Variants in SIMC1 observed in about 807,000 individuals in gnomAD.
SIMC1 encodes the protein SUMO interacting motifs containing 1, also known as SUMO-interacting motif-containing protein 1.
SIMC1 carries 55 observed loss-of-function variants against 82.3 expected under a neutral mutation model. That is an observed-to-expected ratio of 0.67 (90% confidence interval 0.54 to 0.84). The LOEUF is 0.84. Among genes scored for constraint, SIMC1 ranks in the 40% least tolerant of loss-of-function variants. The pLI is 0.00. For missense variants in SIMC1, 915 were observed against 1,107.2 expected, an observed-to-expected ratio of 0.83 and a Z score of 2.46; for synonymous variants, 353 against 426.3, an observed-to-expected ratio of 0.83 and a Z score of 2.12.
intron 7 of SIMC1, among the ~76,000 whole-genome samples, chr5:176,335,594 A>C (rs1011680413): frequency 6.7e-5 from 10 of 148,944 alleles, no homozygotes; most frequent in African/African-American, 2.0e-4. Context: ...TTAAATTTTT[A>C]ATTTGAATTG....
chr5:176,295,496 T>G (rs1228990328), intron 3 of SIMC1, among the ~76,000 whole-genome samples: 16 of 152,238 alleles, frequency 1.1e-4, no homozygotes, highest in Admixed American at 2.0e-4. Context: ...GTGACTTGAT[T>G]CAGTATACAA....
chr5:176,294,983 A>G (rs764137765), intron 2 of SIMC1, 47 bp from the exon 3 acceptor site: 162 of 1,542,442 alleles, frequency 1.1e-4, no homozygotes, highest in Middle Eastern at 1.7e-4. Context: ...AAAAAAAAAA[A>G]AAAGAAAAGA....
chr5:176,313,249 C>T (rs1764743351), intron 4 of SIMC1: 2 of 1,371,520 alleles, frequency 1.5e-6, no homozygotes, highest in South Asian at 1.9e-5. Flanking sequence ...GAACCAGTTT[C>T]TCTTTCTCTG....
Position 176,322,410 on chromosome 5 carries a change from A to T in SIMC1, c.2027A>T (p.Lys676Met). ...SHPSSQPNLT[K>M]NTNQLIVCQL... Reference sequence around the variant, plus strand: ...CCTTCTTCCCAGCCCAACCTGACAAAGAACACCAATCAGCTGTAAGGGGCA... The same window carrying T: ...CCTTCTTCCCAGCCCAACCTGACAATGAACACCAATCAGCTGTAAGGGGCA... Residue 676 changes from lysine to methionine, a missense_variant, in exon 6 of 10, where the codon AAG (lysine) becomes ATG (methionine). Transcript: ENST00000429602. 1 of 1,609,660 alleles carries T rather than the reference A, an allele frequency of 6.2e-7. No homozygotes were observed. Among genetic ancestry groups the T allele is most frequent in the South Asian group, 1.1e-5 (1 of 89,802 alleles).
At chr5:176,291,761 A>G (rs1763585983) in intron 2 of SIMC1, among the ~76,000 whole-genome samples, 1 of 152,208 alleles carries the variant, frequency 6.6e-6, no homozygotes, top group African/African-American at 2.4e-5. Context: ...TACAGGCATG[A>G]GCCACCGCGC....
intron 4 of SIMC1, among the ~76,000 whole-genome samples, chr5:176,297,527 A>G (rs1763872435): frequency 1.3e-5 from 2 of 148,340 alleles, no homozygotes; most frequent in Admixed American, 1.4e-4. Flanking sequence ...AAAAAAAAAA[A>G]CGTTGAATGA....
intron 4 of SIMC1, among the ~76,000 whole-genome samples, chr5:176,301,850 G>A (rs555460255): frequency 5.6e-4 from 85 of 151,466 alleles, no homozygotes; most frequent in Non-Finnish European, 1.1e-3. Context: ...AAATGTTGAT[G>A]AAGAAATCCT....
chr5:176,280,460 G>C (rs1294186649), intron 1 of SIMC1, among the ~76,000 whole-genome samples: 2 of 151,892 alleles, frequency 1.3e-5, no homozygotes, highest in South Asian at 2.1e-4. Context: ...TGTTATGTGT[G>C]AATTTGAACC....
At chr5:176,320,389 G>A (rs1360535696) in intron 5 of SIMC1, among the ~76,000 whole-genome samples, 6 of 148,120 alleles carry the variant, frequency 4.1e-5, no homozygotes, top group East Asian at 2.0e-4. Context: ...ATTTTGAGGC[G>A]GAGTCTCACT....
At chr5:176,288,782 C>G (rs187610520) in intron 1 of SIMC1, among the ~76,000 whole-genome samples, 1 of 152,276 alleles carries the variant, frequency 6.6e-6, no homozygotes, top group Admixed American at 6.5e-5. Flanking sequence ...CCTCAGGGCC[C>G]TAAAGTACCA....
chr5:176,244,372 A>G (rs1333486619), intron 1 of SIMC1, among the ~76,000 whole-genome samples: 2 of 135,540 alleles, frequency 1.5e-5, no homozygotes, highest in African/African-American at 5.7e-5. Flanking sequence ...TGCCAAGTAT[A>G]ACATTTGTAC....
chr5:176,244,356 T>C, intron 1 of SIMC1, among the ~76,000 whole-genome samples: 1 of 131,264 alleles, frequency 7.6e-6, no homozygotes, highest in Non-Finnish European at 1.6e-5. Flanking sequence ...AATAGCCAAC[T>C]GGAGATGCCA....
rs1479360056 is a variant in SIMC1 at position 176,304,629 on chromosome 5, T to A, written c.1734+8309T>A. On this transcript the variant is annotated intron_variant, in intron 4 of 9. Transcript: ENST00000429602. ...GCCACCCCGTCTGGGAAGTGAGGAG[T>A]GTCTCTGCCTGGCCGCCCATCGTCT... Among the ~76,000 whole-genome samples, 3 of 126,262 alleles carry A rather than the reference T, an allele frequency of 2.4e-5. No individual in the cohort carries two copies. The Admixed American group carries it at 2.4e-4, about 10-fold the overall frequency. 82.8% of individuals were successfully genotyped at this position (126,262 alleles called of 152,430 possible).
chr5:176,327,024 C>G (rs1360747768), intron 7 of SIMC1, among the ~76,000 whole-genome samples: 1 of 152,200 alleles, frequency 6.6e-6, no homozygotes, highest in Admixed American at 6.5e-5. Context: ...ACTGGTCAGA[C>G]AGAAGAAAGT....
intron 1 of SIMC1, among the ~76,000 whole-genome samples, chr5:176,249,100 G>A (rs537893178): frequency 7.9e-5 from 12 of 152,282 alleles, no homozygotes; most frequent in Non-Finnish European, 1.8e-4. Flanking sequence ...TTGGTATCAG[G>A]ATGATGCTGG....
intron 9 of SIMC1, among the ~76,000 whole-genome samples, chr5:176,343,286 G>A (rs1171202605): frequency 6.6e-6 from 1 of 152,166 alleles, no homozygotes; most frequent in Non-Finnish European, 1.5e-5. Context: ...ATAACTGTTA[G>A]TGAAAGTGCC....
chr5:176,262,026 A>G (rs1454563812), intron 1 of SIMC1, among the ~76,000 whole-genome samples: 1 of 151,846 alleles, frequency 6.6e-6, no homozygotes, highest in Non-Finnish European at 1.5e-5. Flanking sequence ...AGAGAAAACT[A>G]CAGACCAATA....
At chr5:176,328,359 A>T (rs1765483673) in intron 7 of SIMC1, among the ~76,000 whole-genome samples, 1 of 152,094 alleles carries the variant, frequency 6.6e-6, no homozygotes, top group South Asian at 2.1e-4. Context: ...AGACTAATAA[A>T]ATTGCTTACA....
At chr5:176,274,821 G>A (rs576543884) in intron 1 of SIMC1, among the ~76,000 whole-genome samples, 1 of 151,396 alleles carries the variant, frequency 6.6e-6, no homozygotes, top group African/African-American at 2.4e-5. Context: ...GTTGTAGATA[G>A]GCGGCATTAT....
Sources: gnomAD v4.1 joint callset for allele counts (sites outside exome capture counted in the v4.1 genomes callset) on GRCh38, gnomAD v4.1.1 for gene constraint, MANE v1.5 for transcripts, NCBI Gene and HGNC (gene_info 2026-07-23, HGNC 2026-07-21) for gene names.